RIMBP2: variants seen among roughly 807,000 people sequenced by gnomAD.
RIMBP2 encodes the protein RIMS binding protein 2, also known as RIMS-binding protein 2.
RIMBP2 carries 48 observed loss-of-function variants against 118.6 expected under a neutral mutation model. That is an observed-to-expected ratio of 0.40 (90% CI 0.32 to 0.51). RIMBP2 has a LOEUF of 0.51. Ranked by LOEUF, RIMBP2 falls within the 20% of genes least tolerant of loss-of-function variation. RIMBP2 has a pLI of 0.41. For synonymous variants in RIMBP2, 762 were observed against 742.9 expected (o/e 1.03, Z -0.42); for missense variants, 1,551 against 1,768.3 (o/e 0.88, Z 2.20).
In RIMBP2 at chr12:130,654,787, C is replaced by T. The variant is rs149122184; in HGVS notation, c.-351-26331G>A. On this transcript the variant is annotated intron_variant, in intron 1 of 22. Coordinates refer to ENST00000690449, the MANE Select transcript of RIMBP2 (RefSeq NM_001393629.1). Reference sequence around the variant, plus strand: ...ACAGAAAACAGGGTGCAGGCATCTGCTCAGCTTCTAGTGAGGCCTCAGGAA... The same window carrying T: ...ACAGAAAACAGGGTGCAGGCATCTGTTCAGCTTCTAGTGAGGCCTCAGGAA... Among the ~76,000 whole-genome samples, 744 of 152,332 alleles carry T rather than the reference C, an allele frequency of 4.9e-3. 13 individuals are homozygous for T. Among genetic ancestry groups the T allele is most frequent in the South Asian group, 9.1e-3 (44 of 4,826 alleles).
intron 5 of RIMBP2, among the ~76,000 whole-genome samples, chr12:130,478,046 C>T (rs1355487912): frequency 6.6e-6 from 1 of 152,174 alleles, no homozygotes; most frequent in Non-Finnish European, 1.5e-5. Context: ...TCCGGGAGCA[C>T]CACCCTCCTA....
chr12:130,671,848 T>C (rs1032198925), intron 1 of RIMBP2, among the ~76,000 whole-genome samples: 15 of 152,166 alleles, frequency 9.9e-5, no homozygotes, highest in Middle Eastern at 3.2e-3. Flanking sequence ...TCCAAGTGCA[T>C]GTGGAAATGA....
intron 2 of RIMBP2, among the ~76,000 whole-genome samples, chr12:130,555,158 G>C (rs1209702313): frequency 6.6e-6 from 1 of 152,206 alleles, no homozygotes; most frequent in African/African-American, 2.4e-5. Flanking sequence ...TGACTCCAGT[G>C]TTTGGGTGCT....
At chr12:130,492,533 C>A (rs1191297585) in intron 4 of RIMBP2, among the ~76,000 whole-genome samples, 1 of 152,164 alleles carries the variant, frequency 6.6e-6, no homozygotes, top group Non-Finnish European at 1.5e-5. Context: ...CCTGATGAAT[C>A]CTAGAGATGC....
chr12:130,694,364 G>T lies in RIMBP2; in HGVS notation c.-352+21858C>A, dbSNP rs1035750544. On this transcript the variant is annotated intron_variant, in intron 1 of 22. Coordinates refer to ENST00000690449, the MANE Select transcript of RIMBP2 (RefSeq NM_001393629.1). The stretch of plus-strand genomic sequence containing the variant: ...TAGTTCTCTCCCTACCTAGGAGGCA[G>T]AAAAATCATCTGAAAGTGGATATTC... Among the ~76,000 whole-genome samples the T allele has an allele frequency of 2.3e-4, 35 of 152,196 alleles. 1 individual carries two copies.
chr12:130,667,665 T>C (rs1020675603), intron 1 of RIMBP2: 6 of 152,150 alleles, frequency 3.9e-5, no homozygotes, highest in African/African-American at 1.4e-4. Flanking sequence ...GAAGGAAAGG[T>C]GGACCTTGTG....
Position 130,450,610 on chromosome 12 carries a change from G to T in RIMBP2, c.505-334C>A, listed in dbSNP as rs554460675. ...CGTGGCCTTTTCTCATAGGGGTGGG[G>T]GTAAAATTAAGCAGTATGTGCACGA... On this transcript the variant is annotated intron_variant, in intron 8 of 22. Coordinates refer to ENST00000690449, the MANE Select transcript of RIMBP2 (RefSeq NM_001393629.1). This position sits in a 1 kb window ranked among gnomAD's most constrained non-coding sequence, Gnocchi z 4.8. Among the ~76,000 whole-genome samples, 19 of 151,394 alleles carry T rather than the reference G, an allele frequency of 1.3e-4. No homozygotes were observed. The highest frequency in any genetic ancestry group is 4.1e-4 in the African/African-American group (17 of 41,148).
At chr12:130,533,628 A>C (rs1287228013) in intron 2 of RIMBP2, among the ~76,000 whole-genome samples, 1 of 152,270 alleles carries the variant, frequency 6.6e-6, no homozygotes, top group Non-Finnish European at 1.5e-5. Context: ...CCATAACACT[A>C]TTCACAATAG....
intron 2 of RIMBP2, among the ~76,000 whole-genome samples, chr12:130,588,175 T>C (rs2059036442): frequency 6.6e-6 from 1 of 152,084 alleles, no homozygotes; most frequent in African/African-American, 2.4e-5. Flanking sequence ...TCCTGCCTCC[T>C]CCAGGAAGCC....
rs186960085 is a variant in RIMBP2 at position 130,498,265 on chromosome 12, G to C, written c.-4+8383C>G. Among the ~76,000 whole-genome samples, 81 of 152,328 alleles carry C rather than the reference G, an allele frequency of 5.3e-4. No homozygotes were observed. In the South Asian group the frequency reaches 6.2e-3, roughly 12 times the overall value. On this transcript the variant is annotated intron_variant, in intron 4 of 22. Coordinates refer to ENST00000690449, the MANE Select transcript of RIMBP2 (RefSeq NM_001393629.1). ...GTCATTCTCCATGAAGGCAGCAAGT[G>C]TCTGCAGTGCCGGTCGGTTCAGCGA...
At chr12:130,635,486 G>C (rs374132134) in intron 1 of RIMBP2, among the ~76,000 whole-genome samples, 8 of 152,148 alleles carry the variant, frequency 5.3e-5, no homozygotes, top group Non-Finnish European at 1.2e-4. Context: ...GATCACCTGG[G>C]TGCATTGGTG....
chr12:130,427,250 G>A (rs751543968), intron 15 of RIMBP2: 5 of 152,166 alleles, frequency 3.3e-5, no homozygotes, highest in African/African-American at 7.2e-5. Flanking sequence ...TTCGTCCCGG[G>A]GGATTTCCTC....
chr12:130,592,011 A>C (rs1395145861), intron 2 of RIMBP2, among the ~76,000 whole-genome samples: 1 of 152,154 alleles, frequency 6.6e-6, no homozygotes, highest in Non-Finnish European at 1.5e-5. Context: ...TGTTGGGCGG[A>C]AACTCTCAGC....
intron 17 of RIMBP2, among the ~76,000 whole-genome samples, chr12:130,417,308 G>A (rs965902694): frequency 1.3e-5 from 2 of 152,172 alleles, no homozygotes; most frequent in African/African-American, 4.8e-5. Flanking sequence ...TCGCAGCACT[G>A]TTCACAATAG....
chr12:130,634,364 G>GC (rs1338966569), intron 1 of RIMBP2, among the ~76,000 whole-genome samples: 2 of 152,166 alleles, frequency 1.3e-5, no homozygotes, highest in Admixed American at 1.3e-4. Flanking sequence ...AAGCTCACCT[G>GC]CACCAGGAGT....
chr12:130,676,959 A>G (rs1042123449), intron 1 of RIMBP2, among the ~76,000 whole-genome samples: 2 of 152,270 alleles, frequency 1.3e-5, no homozygotes, highest in Middle Eastern at 3.4e-3. Context: ...AGCTGCATGC[A>G]TTTGTCAGCA....
intron 1 of RIMBP2, among the ~76,000 whole-genome samples, chr12:130,643,281 C>A (rs2141038156): frequency 6.6e-6 from 1 of 152,364 alleles, no homozygotes; most frequent in South Asian, 2.1e-4. Flanking sequence ...CAGCTCCCCA[C>A]TCCCATTGGC....
intron 1 of RIMBP2, among the ~76,000 whole-genome samples, chr12:130,639,130 G>A (rs1325967863): frequency 1.3e-5 from 2 of 152,172 alleles, no homozygotes; most frequent in East Asian, 1.9e-4. Context: ...GCTCACGCCT[G>A]TAATCCCAGC....
chr12:130,543,512 C>A (rs1484288148), intron 2 of RIMBP2, among the ~76,000 whole-genome samples: 1 of 152,160 alleles, frequency 6.6e-6, no homozygotes, highest in East Asian at 1.9e-4. Context: ...GGTAGGTAGA[C>A]CAGCAGGCTG....
Sources: gnomAD v4.1 joint callset for allele counts (sites outside exome capture counted in the v4.1 genomes callset) on GRCh38, gnomAD v4.1.1 for gene constraint, Gnocchi (gnomAD v3.1) non-coding constraint, MANE v1.5 for transcripts, NCBI Gene and HGNC (gene_info 2026-07-23, HGNC 2026-07-21) for gene names.